Variants in CNIH3 observed in about 807,000 individuals in gnomAD.
CNIH3 encodes cornichon family AMPA receptor auxiliary protein 3.
A neutral mutation model predicts 24.1 loss-of-function variants in CNIH3; 14 were observed. The ratio of observed to expected loss-of-function variants is 0.58; its 90% CI spans 0.38 to 0.91. The LOEUF (loss-of-function observed/expected upper bound fraction) is 0.91, where lower values mean the gene tolerates loss of function less well. CNIH3 is among the 40% of genes least tolerant of loss of function. The pLI is 0.00. For missense variants in CNIH3, 178 were observed against 196.8 expected, an observed-to-expected ratio of 0.90 and a Z score of 0.57; for synonymous variants, 68 against 73.8, an observed-to-expected ratio of 0.92 and a Z score of 0.40.
At position 224,629,751 on chromosome 1, in the gene CNIH3, T is replaced by C. The variant is rs1311802490; in HGVS notation, c.81+12496T>C. Among the ~76,000 whole-genome samples the C allele has an allele frequency of 1.3e-5, 2 of 152,078 alleles. 1 individual carries two copies. The highest frequency in any genetic ancestry group is 2.9e-5 in the Non-Finnish European group (2 of 68,014). On this transcript the variant is annotated intron_variant, in intron 1 of 5. Coordinates refer to ENST00000272133, the MANE Select transcript of CNIH3 (RefSeq NM_152495.2). ...GCAGAAACTCTTGGTCCTCAGTCTT[T>C]GCTGCACAGACTCTGCTCTTTCTTG...
At chr1:224,600,691 T>C (rs1682171597) in intron 3 of CNIH3, among the ~76,000 whole-genome samples, 1 of 152,204 alleles carries the variant, frequency 6.6e-6, no homozygotes, top group African/African-American at 2.4e-5. Flanking sequence ...TTATGGAATT[T>C]TTTATGGGCT....
downstream of CNIH3, chr1:224,537,225 G>A (rs917164697): frequency 6.6e-6 from 1 of 152,218 alleles, no homozygotes; most frequent in South Asian, 2.1e-4. Context: ...CTTTGGAAAT[G>A]TAAGTTGATA....
At chr1:224,739,237 G>T in intron 5 of CNIH3, 92 bp from the exon 6 acceptor site, 3 of 1,541,480 alleles carry the variant, frequency 1.9e-6, no homozygotes, top group Non-Finnish European at 1.7e-6. Flanking sequence ...CCTCTGGAAG[G>T]TCCCTCTCCT....
intron 3 of CNIH3, among the ~76,000 whole-genome samples, chr1:224,723,209 G>A (rs1688829130): frequency 6.6e-6 from 1 of 152,206 alleles, no homozygotes; most frequent in Admixed American, 6.5e-5. Context: ...GGCAGTGTCT[G>A]GAGCATGTGT....
At chr1:224,735,728 C>T (rs1319255270) in intron 5 of CNIH3, among the ~76,000 whole-genome samples, 2 of 152,088 alleles carry the variant, frequency 1.3e-5, no homozygotes, top group Non-Finnish European at 2.9e-5. Context: ...GCCATCGCTG[C>T]TCACTGCAGC....
chr1:224,671,647 A>G (rs148469965), intron 1 of CNIH3, among the ~76,000 whole-genome samples: 2 of 152,336 alleles, frequency 1.3e-5, no homozygotes, highest in East Asian at 1.9e-4. Flanking sequence ...ATCATTTGGG[A>G]TATTATATAC....
downstream of CNIH3, among the ~76,000 whole-genome samples, chr1:224,538,830 ATTTTTTTT>A (rs71574506): frequency 3.3e-4 from 41 of 124,204 alleles, no homozygotes; most frequent in Admixed American, 6.4e-4. Context: ...AGCTAATTAC[ATTTTTTTT>A]TTTTTTTTTT....
intron 1 of CNIH3, among the ~76,000 whole-genome samples, chr1:224,639,213 A>C (rs936250109): frequency 6.6e-6 from 1 of 152,254 alleles, no homozygotes; most frequent in African/African-American, 2.4e-5. Context: ...ATTGGCAGAC[A>C]CTGCCTAGCA....
intron 3 of CNIH3, among the ~76,000 whole-genome samples, chr1:224,597,103 G>C (rs1292057115): frequency 6.6e-6 from 1 of 151,870 alleles, no homozygotes; most frequent in African/African-American, 2.4e-5. Flanking sequence ...AGTGAGCCGA[G>C]ACTGCACCAT....
intron 4 of CNIH3, among the ~76,000 whole-genome samples, chr1:224,731,533 A>G (rs924554207): frequency 6.6e-6 from 1 of 152,174 alleles, no homozygotes; most frequent in African/African-American, 2.4e-5. Context: ...TATCATTTTT[A>G]TTGTACCATA....
At chr1:224,737,270 G>A (rs538040852) in intron 5 of CNIH3, among the ~76,000 whole-genome samples, 38 of 152,194 alleles carry the variant, frequency 2.5e-4, no homozygotes, top group African/African-American at 8.9e-4. Context: ...CGGTTAGATG[G>A]GTGTGATTGT....
intron 1 of CNIH3, among the ~76,000 whole-genome samples, chr1:224,477,625 A>G (rs780541032): frequency 1.3e-4 from 20 of 152,154 alleles, no homozygotes; most frequent in Non-Finnish European, 2.6e-4. Flanking sequence ...TATGTCATGA[A>G]AGTTGTTTTA....
intron 5 of CNIH3, among the ~76,000 whole-genome samples, chr1:224,735,812 G>A (rs188458019): frequency 6.6e-6 from 1 of 151,756 alleles, no homozygotes; most frequent in African/African-American, 2.4e-5. Context: ...CACCATGCCC[G>A]GCTATATTTT....
intron 3 of CNIH3, among the ~76,000 whole-genome samples, chr1:224,714,062 C>A (rs1198908399): frequency 6.6e-6 from 1 of 152,148 alleles, no homozygotes; most frequent in Non-Finnish European, 1.5e-5. Flanking sequence ...TGATCCACCC[C>A]ACTTGGCTTC....
At chr1:224,581,968 G>A (rs550854276) in intron 4 of CNIH3, among the ~76,000 whole-genome samples, 4 of 152,282 alleles carry the variant, frequency 2.6e-5, no homozygotes, top group East Asian at 1.9e-4. Context: ...CTGAGTGTGC[G>A]TGAGGTTGTA....
At chr1:224,730,099 G>A (rs1327887363) in intron 3 of CNIH3, among the ~76,000 whole-genome samples, 2 of 152,186 alleles carry the variant, frequency 1.3e-5, no homozygotes. Flanking sequence ...AACCCTTGCA[G>A]TATTTCTCCT....
chr1:224,546,325 CA>C (rs1382012396), intron 2 of CNIH3, among the ~76,000 whole-genome samples: 2 of 152,142 alleles, frequency 1.3e-5, no homozygotes, highest in African/African-American at 4.8e-5. Context: ...AAATGGTTTG[CA>C]AACAAAAATG....
At chr1:224,445,314 A>C (rs1214000055) in intron 1 of CNIH3, among the ~76,000 whole-genome samples, 1 of 151,570 alleles carries the variant, frequency 6.6e-6, no homozygotes, top group African/African-American at 2.4e-5. Context: ...GGTGGCTCAC[A>C]CCTATAATCT....
chr1:224,718,664 C>T (rs1052111948), intron 3 of CNIH3, among the ~76,000 whole-genome samples: 6 of 151,732 alleles, frequency 4.0e-5, no homozygotes, highest in Admixed American at 3.3e-4. Context: ...GAGGCAGGGA[C>T]GGGGGATGAG....
Sources: allele counts gnomAD v4.1 joint callset (sites outside exome capture counted in the v4.1 genomes callset), GRCh38; gene constraint gnomAD v4.1.1; transcripts MANE v1.5; gene names NCBI Gene and HGNC (gene_info 2026-07-23, HGNC 2026-07-21).